The following PKHD1L1 variants were observed in gnomAD, a reference collection of about 807,000 sequenced individuals.
PKHD1L1 encodes the protein fibrocystin-L.
PKHD1L1 carries 434 observed loss-of-function variants against 462.9 expected under a neutral mutation model. The ratio of observed to expected loss-of-function variants is 0.94; its 90% CI spans 0.87 to 1.02. The LOEUF (loss-of-function observed/expected upper bound fraction) is 1.02, where lower values mean the gene tolerates loss of function less well. PKHD1L1 is among the 50% of genes least tolerant of loss of function. The probability of loss-of-function intolerance (pLI) is 0.00; values close to 1 mark genes in which losing one functional copy is unlikely to be tolerated. For synonymous variants in PKHD1L1, 1,781 were observed against 1,750.0 expected, an observed-to-expected ratio of 1.02 and a Z score of -0.44; for missense variants, 5,202 against 5,096.1, an observed-to-expected ratio of 1.02 and a Z score of -0.63.
intron 59 of PKHD1L1, among the ~76,000 whole-genome samples, chr8:109,488,234 C>T (rs1818655870): frequency 6.6e-6 from 1 of 151,836 alleles, no homozygotes; most frequent in Non-Finnish European, 1.5e-5. Context: ...TGTGTTGGTT[C>T]CCAAGCATCC....
intron 9 of PKHD1L1, among the ~76,000 whole-genome samples, chr8:109,393,522 A>G (rs1279668563): frequency 6.6e-6 from 1 of 152,168 alleles, no homozygotes; most frequent in African/African-American, 2.4e-5. Flanking sequence ...AACCCAGTCA[A>G]TTGTTGCTAA....
At chr8:109,390,641 C>T in intron 9 of PKHD1L1, 147 bp downstream of exon 9, 1 of 409,314 alleles carries the variant, frequency 2.4e-6, no homozygotes. Context: ...TCTGTACCTT[C>T]TTTTCACTCA....
Position 109,362,567 on chromosome 8 carries a change from G to C in PKHD1L1, c.-14G>C. 1.2e-6 allele frequency: 2 copies of C among 1,602,382 alleles called. No homozygotes were observed. The highest frequency in any genetic ancestry group is 1.7e-6 in the Non-Finnish European group (2 of 1,174,464). ...GCGAGCGGAGGGCACCAACTCCGCAGAACTGGCTTTTCAATGGGACACCTG... is the reference window on the plus strand; with the variant it reads ...GCGAGCGGAGGGCACCAACTCCGCACAACTGGCTTTTCAATGGGACACCTG... On this transcript the variant is annotated 5_prime_UTR_variant, in exon 1 of 78. Coordinates refer to ENST00000378402, the MANE Select transcript of PKHD1L1 (RefSeq NM_177531.6).
At chr8:109,374,021 G>A (rs7832554) in intron 2 of PKHD1L1, among the ~76,000 whole-genome samples, 34,369 of 151,974 alleles carry the variant, frequency 0.23, 4,164 homozygotes, top group African/African-American at 0.31. Flanking sequence ...TATTAGGTCC[G>A]CTTGGTGCAG....
At chr8:109,389,249 A>T in intron 8 of PKHD1L1, 97 bp downstream of exon 8, 2 of 897,770 alleles carry the variant, frequency 2.2e-6, no homozygotes. Flanking sequence ...GCCCTTTTGG[A>T]TCAGGTGTTT....
chr8:109,386,867 T>C (rs1167578173), intron 6 of PKHD1L1, among the ~76,000 whole-genome samples: 1 of 152,160 alleles, frequency 6.6e-6, no homozygotes, highest in African/African-American at 2.4e-5. Context: ...AATTTATTTC[T>C]GCTTAATATA....
Position 109,536,185 on chromosome 8 carries a change from C to T in PKHD1L1, c.*6095C>T, listed in dbSNP as rs7011340. ...ACTGATCTTGAAGATAACAAATCTG[C>T]CTGCTTCAAAGGTTTCACCGATTTT... On this transcript the variant is annotated 3_prime_UTR_variant, in exon 78 of 78. Transcript: ENST00000378402. 0.76 allele frequency among the ~76,000 whole-genome samples: 116,065 copies of T among 152,170 alleles called. 44,958 individuals carry two copies. The highest frequency in any genetic ancestry group is 0.93 in the Middle Eastern group (273 of 294).
At chr8:109,421,753 C>T (rs1393845507) in intron 23 of PKHD1L1, among the ~76,000 whole-genome samples, 3 of 152,160 alleles carry the variant, frequency 2.0e-5, no homozygotes, top group Non-Finnish European at 4.4e-5. Flanking sequence ...CACTGCACTT[C>T]AGCCTCGGCG....
intron 14 of PKHD1L1, among the ~76,000 whole-genome samples, chr8:109,402,227 T>G (rs980906394): frequency 8.5e-5 from 13 of 152,166 alleles, no homozygotes; most frequent in Non-Finnish European, 8.8e-5. Context: ...TGGAGTTACA[T>G]GAAGAACATC....
Position 109,413,223 on chromosome 8 carries a change from C to A in PKHD1L1, c.2236-198C>A, listed in dbSNP as rs190185951. Among the ~76,000 whole-genome samples the A allele has an allele frequency of 8.8e-3, 1,344 of 152,202 alleles. 10 individuals are homozygous for A. Among genetic ancestry groups the A allele is most frequent in the Non-Finnish European group, 0.014 (945 of 67,962 alleles). On this transcript the variant is annotated intron_variant, in intron 20 of 77. Coordinates refer to ENST00000378402, the MANE Select transcript of PKHD1L1 (RefSeq NM_177531.6). ...ATAATTAATTGTAAGGTCACCTCAA[C>A]CTCACTTTGTCTGTAAAATCTTTCG... is the stretch of plus-strand genomic sequence containing the variant.
At chr8:109,419,967 G>A (rs1030948320) in intron 22 of PKHD1L1, among the ~76,000 whole-genome samples, 3 of 151,540 alleles carry the variant, frequency 2.0e-5, no homozygotes, top group African/African-American at 7.3e-5. Context: ...TGAATCTGCT[G>A]TCACCAGACT....
chr8:109,423,191 T>C (rs771458142), intron 23 of PKHD1L1, among the ~76,000 whole-genome samples: 2 of 152,132 alleles, frequency 1.3e-5, no homozygotes, highest in Non-Finnish European at 2.9e-5. Context: ...ACGGTGCTTT[T>C]GGTTTCAAGT....
intron 5 of PKHD1L1, 143 bp downstream of exon 5, chr8:109,384,270 G>A: frequency 2.9e-6 from 2 of 684,916 alleles, no homozygotes; most frequent in Non-Finnish European, 4.7e-6. Context: ...CAGGCGCGGT[G>A]GCTCATGCCT....
In PKHD1L1 at chr8:109,454,974, T is replaced by C. The variant is rs1459248018; in HGVS notation, c.6874+122T>C. On this transcript the variant is annotated intron_variant, in intron 45 of 77. Transcript: ENST00000378402. The stretch of plus-strand genomic sequence containing the variant: ...AAGTGAAAGTGTGTTAGGCTTCTCA[T>C]GTCTTTAGATATCCCCTCTTTACCC... 38 of 1,257,912 alleles carry C rather than the reference T, an allele frequency of 3.0e-5. 1 individual carries two copies. In the East Asian group the frequency reaches 8.6e-4, roughly 29 times the overall value. The allele number at this position is 1,257,912 out of a possible 1,614,324, so 77.9% of individuals were successfully genotyped here. A position where few individuals can be genotyped will look rare whatever the true frequency, so the allele number is the denominator to read the frequency against.
In PKHD1L1 at chr8:109,408,187, T is replaced by C; in HGVS notation, c.1952T>C (p.Leu651Pro). Residue 651 changes from leucine to proline, a missense_variant, in exon 18 of 78, where the codon CTA (leucine) becomes CCA (proline). Physicochemically the swap from Leu to Pro is moderately conservative, Grantham distance 98. Transcript: ENST00000378402. ...WDGIASKPLT[L>P]WSSEAEFQGA... The stretch of plus-strand genomic sequence containing the variant: ...GGGATCGCTTCTAAGCCACTCACTC[T>C]ATGGTCATCAGAAGCTGAAGTACGG... The C allele has an allele frequency of 1.2e-6, 2 of 1,612,442 alleles. No homozygotes were observed. Among genetic ancestry groups the C allele is most frequent in the East Asian group, 2.2e-5 (1 of 44,804 alleles).
chr8:109,460,386 G>A (rs1586561425), intron 47 of PKHD1L1, among the ~76,000 whole-genome samples: 2 of 152,168 alleles, frequency 1.3e-5, no homozygotes, highest in African/African-American at 2.4e-5. Flanking sequence ...TTAATTCCTA[G>A]ACTGATGATG....
chr8:109,388,351 T>A (rs963291477), intron 6 of PKHD1L1, 146 bp from the exon 7 acceptor site: 1 of 666,266 alleles, frequency 1.5e-6, no homozygotes, highest in Non-Finnish European at 2.7e-6. Flanking sequence ...GTTCAGTAGA[T>A]GTTTTGTTGA....
chr8:109,468,323 G>T (rs1402386408), intron 50 of PKHD1L1, among the ~76,000 whole-genome samples: 1 of 152,100 alleles, frequency 6.6e-6, no homozygotes, highest in Non-Finnish European at 1.5e-5. Context: ...TATGATTCAG[G>T]AAGGCAGGTA....
chr8:109,515,105 G>C, intron 71 of PKHD1L1, 65 bp from the exon 72 acceptor site: 3 of 1,275,144 alleles, frequency 2.4e-6, no homozygotes, highest in Non-Finnish European at 3.2e-6. Context: ...TTGAAGGACG[G>C]TTTAAGTGCT....
Sources: gnomAD v4.1 joint callset for allele counts (sites outside exome capture counted in the v4.1 genomes callset) on GRCh38, gnomAD v4.1.1 for gene constraint, MANE v1.5 for transcripts, NCBI Gene and HGNC (gene_info 2026-07-23, HGNC 2026-07-21) for gene names.